SMIM27: variants seen among roughly 807,000 people sequenced by gnomAD.
SMIM27 encodes the protein TOPORS antisense RNA 1 (non-protein coding).
SMIM27 carries 3 observed loss-of-function variants against 1.8 expected under a neutral mutation model. The observed-to-expected ratio is 1.65, with a 90% CI of 0.75 to 4.28. The LOEUF is 4.28. SMIM27 is among the 30% of genes most tolerant of loss of function. SMIM27 has a pLI of 0.02. For synonymous variants in SMIM27, 19 were observed against 13.9 expected (o/e 1.37, Z -0.82); for missense variants, 63 against 37.0 (o/e 1.70, Z -1.83).
chr9:32,553,721 A>G (rs541895088), downstream of SMIM27: 16 of 587,832 alleles, frequency 2.7e-5, no homozygotes, highest in African/African-American at 3.0e-4. Flanking sequence ...ACTTATTGTT[A>G]AATTACTCAG....
intron 1 of SMIM27, among the ~76,000 whole-genome samples, chr9:32,558,501 A>G (rs1321330604): frequency 1.3e-5 from 2 of 152,234 alleles, no homozygotes; most frequent in African/African-American, 4.8e-5. Flanking sequence ...GTACAAAGCC[A>G]TAGGACATGA....
At chr9:32,563,434 A>T (rs981898302) in intron 1 of SMIM27, among the ~76,000 whole-genome samples, 4 of 150,046 alleles carry the variant, frequency 2.7e-5, no homozygotes, top group African/African-American at 9.8e-5. Context: ...CAGGCTCCAC[A>T]TCCTGGGCTC....
In SMIM27 at chr9:32,564,283, G is replaced by T. The variant is rs189340631; in HGVS notation, c.46-2108G>T. 4.6e-5 allele frequency among the ~76,000 whole-genome samples: 7 copies of T among 151,556 alleles called. 1 individual carries two copies. The East Asian group carries it at 1.4e-3, about 30-fold the overall frequency. ...TTCACATAGGTAACTCCCTTTTCCGGCAGTGAGAATCCTGTGTCCCTTTAT... is the reference window on the plus strand; with the variant it reads ...TTCACATAGGTAACTCCCTTTTCCGTCAGTGAGAATCCTGTGTCCCTTTAT... On this transcript the variant is annotated intron_variant, in intron 1 of 1. Coordinates refer to the SMIM27 transcript ENST00000451672.
In SMIM27 at chr9:32,552,974, G is replaced by A. The variant is rs1221807193; in HGVS notation, c.*51G>A. On this transcript the variant is annotated 3_prime_UTR_variant, in exon 2 of 2. Transcript: ENST00000692500. ...ATACAGTTCTTTCCCTCATGCTTAT[G>A]TAGATATAAAAATAAAATTCATAAT... 5 of 633,124 alleles carry A rather than the reference G, an allele frequency of 7.9e-6. No homozygotes were observed. Among genetic ancestry groups the A allele is most frequent in the Non-Finnish European group, 1.4e-5 (5 of 352,616 alleles). 39.2% of individuals were successfully genotyped at this position (633,124 alleles called of 1,614,324 possible).
At chr9:32,552,758 A>G (rs1220296550) in intron 1 of SMIM27, 43 bp from the exon 2 acceptor site, 3 of 690,012 alleles carry the variant, frequency 4.3e-6, no homozygotes, top group East Asian at 2.7e-5. Flanking sequence ...GCGAGGGGAA[A>G]TATCAGGTAG....
In SMIM27 at chr9:32,552,330, C is replaced by G. The variant is rs1254319963; in HGVS notation, c.-105C>G. On this transcript the variant is annotated 5_prime_UTR_variant, in exon 1 of 2. Transcript: ENST00000692500. ...CGAAGCGAGTGGGCGGGCGCTCGTG[C>G]CCGGCTAAAAGATGGCTGCTGGCGC... is the stretch of plus-strand genomic sequence containing the variant. 4.6e-6 allele frequency: 7 copies of G among 1,519,016 alleles called. No homozygotes were observed. The highest frequency in any genetic ancestry group is 5.4e-6 in the Non-Finnish European group (6 of 1,117,444). The allele number at this position is 1,519,016 out of a possible 1,614,324, so 94.1% of individuals were successfully genotyped here.
intron 1 of SMIM27, among the ~76,000 whole-genome samples, chr9:32,564,685 C>T (rs981647951): frequency 6.6e-5 from 10 of 152,138 alleles, no homozygotes; most frequent in African/African-American, 2.2e-4. Context: ...ATTGTCTCTG[C>T]GCACTCACCA....
rs554207050 is a variant in SMIM27, at chr9:32,552,373, G to A, written c.-62G>A. The A allele has an allele frequency of 3.3e-5, 53 of 1,599,040 alleles. No individual in the cohort carries two copies. The African/African-American group carries it at 6.0e-4, about 18-fold the overall frequency. ...GCTGGCGCCTGGCAGCCACCGCCTG[G>A]GAGGTTACTGTAAGGCCCGCAGCTC... On this transcript the variant is annotated 5_prime_UTR_variant, in exon 1 of 2. Transcript: ENST00000692500.
At chr9:32,564,684 G>A (rs759360186) in intron 1 of SMIM27, among the ~76,000 whole-genome samples, 6 of 151,992 alleles carry the variant, frequency 3.9e-5, no homozygotes, top group Non-Finnish European at 8.8e-5. Context: ...GATTGTCTCT[G>A]CGCACTCACC....
intron 1 of SMIM27, among the ~76,000 whole-genome samples, chr9:32,561,552 CCT>C (rs1563993970): frequency 6.6e-6 from 1 of 152,032 alleles, no homozygotes; most frequent in Admixed American, 6.6e-5. Flanking sequence ...TGGTCTCGAA[CCT>C]CTGAGCTCAA....
chr9:32,556,905 G>A (rs1821474136), downstream of SMIM27, among the ~76,000 whole-genome samples: 9 of 136,902 alleles, frequency 6.6e-5, 1 homozygote, highest in South Asian at 1.9e-3. Context: ...AGGCTGGAGT[G>A]CAGTGGCGCA....
chr9:32,553,942 A>AC (rs747659530), downstream of SMIM27: 1 of 1,583,854 alleles, frequency 6.3e-7, no homozygotes, highest in Admixed American at 1.7e-5. Context: ...GAATTGTATC[A>AC]CCCTAGGAAA....
At chr9:32,557,510 T>A (rs1204740622), downstream of SMIM27, among the ~76,000 whole-genome samples, 1 of 150,850 alleles carries the variant, frequency 6.6e-6, no homozygotes, top group South Asian at 2.1e-4. Context: ...AGATGGAGTT[T>A]CACTCATTTC....
At chr9:32,553,144 G>C (rs919438732), downstream of SMIM27, 3 of 420,228 alleles carry the variant, frequency 7.1e-6, no homozygotes, top group Middle Eastern at 6.3e-4. Flanking sequence ...TCAGATCATA[G>C]TTGGAATAAG....
rs577180131 is a variant in SMIM27 at position 32,552,393 on chromosome 9, C to G, written c.-42C>G. 2 of 1,604,466 alleles carry G rather than the reference C, an allele frequency of 1.2e-6. No individual in the cohort carries two copies. The highest frequency in any genetic ancestry group is 1.3e-5 in the African/African-American group (1 of 74,928). ...GCCTGGGAGGTTACTGTAAGGCCCG[C>G]AGCTCCCGCCAGCTCCCGCGGACTG... On this transcript the variant is annotated 5_prime_UTR_variant, in exon 1 of 2. Transcript: ENST00000692500.
exon 2 of SMIM27, chr9:32,566,746 G>A (rs1821802941): frequency 1.1e-6 from 1 of 919,608 alleles, no homozygotes; most frequent in Non-Finnish European, 1.8e-6. Flanking sequence ...AACCACAGCG[G>A]GTCCTCAGCC....
chr9:32,552,258 A>G (rs1821296260), upstream of SMIM27: 3 of 832,486 alleles, frequency 3.6e-6, no homozygotes, highest in Non-Finnish European at 5.9e-6. Flanking sequence ...CGATCACGTG[A>G]TACCGCCCCC....
downstream of SMIM27, chr9:32,554,007 CT>C: frequency 9.4e-7 from 1 of 1,067,054 alleles, no homozygotes; most frequent in Non-Finnish European, 1.4e-6. Context: ...TAGTTCTATT[CT>C]GTTCTATGTT....
chr9:32,555,033 A>C (rs1350480456), downstream of SMIM27, among the ~76,000 whole-genome samples: 3 of 152,148 alleles, frequency 2.0e-5, no homozygotes, highest in Non-Finnish European at 2.9e-5. Context: ...TTGAGAGGCG[A>C]CATAAAAATG....
Sources: allele counts gnomAD v4.1 joint callset (sites outside exome capture counted in the v4.1 genomes callset), GRCh38; gene constraint gnomAD v4.1.1; transcripts MANE v1.5; gene names NCBI Gene and HGNC (gene_info 2026-07-23, HGNC 2026-07-21).